KDM4C: variants seen among roughly 807,000 people sequenced by gnomAD.
KDM4C encodes the protein lysine demethylase 4C.
Under a neutral mutation model 129.3 loss-of-function variants are expected in KDM4C, and 81 were observed. The observed-to-expected ratio is 0.63, with a 90% CI of 0.52 to 0.75. The LOEUF (loss-of-function observed/expected upper bound fraction) is 0.75, where lower values mean the gene tolerates loss of function less well. Among genes scored for constraint, KDM4C ranks in the 30% least tolerant of loss-of-function variants. KDM4C has a pLI of 0.00. For missense variants in KDM4C, 1,457 were observed against 1,304.0 expected (o/e 1.12, Z -1.81); for synonymous variants, 573 against 456.1 (o/e 1.26, Z -3.26).
intron 8 of KDM4C, among the ~76,000 whole-genome samples, chr9:6,954,506 TTGTC>T (rs1345946791): frequency 6.6e-6 from 1 of 152,212 alleles, no homozygotes; most frequent in Non-Finnish European, 1.5e-5. Context: ...ATCTTTTTAT[TTGTC>T]TGTTCACGAT....
chr9:7,044,520 A>C (rs1236647764), intron 15 of KDM4C, among the ~76,000 whole-genome samples: 1 of 151,968 alleles, frequency 6.6e-6, no homozygotes, highest in Non-Finnish European at 1.5e-5. Context: ...AACAGGGTGG[A>C]TTTGGAGGTG....
In KDM4C at chr9:7,025,948, T is replaced by C. The variant is rs1053971065; in HGVS notation, c.2259+10019T>C. On this transcript the variant is annotated intron_variant, in intron 15 of 21. Coordinates refer to ENST00000381309, the MANE Select transcript of KDM4C (RefSeq NM_015061.6). Reference sequence around the variant, plus strand: ...GGCTGGACACGGTGGCCCATGCCTGTAATCCCAGCACTCTGGGAGGCTGAG... The same window carrying C: ...GGCTGGACACGGTGGCCCATGCCTGCAATCCCAGCACTCTGGGAGGCTGAG... Among the ~76,000 whole-genome samples, 4 of 152,178 alleles carry C rather than the reference T, an allele frequency of 2.6e-5. No individual in the cohort carries two copies. The East Asian group carries it at 7.7e-4, about 29-fold the overall frequency.
At chr9:6,936,864 A>T in intron 8 of KDM4C, among the ~76,000 whole-genome samples, 1 of 152,178 alleles carries the variant, frequency 6.6e-6, no homozygotes, top group South Asian at 2.1e-4. Context: ...GACCTCCCCT[A>T]CAGAGCTAGA....
chr9:7,156,264 G>T (rs1286231575), intron 19 of KDM4C, among the ~76,000 whole-genome samples: 1 of 152,184 alleles, frequency 6.6e-6, no homozygotes, highest in Non-Finnish European at 1.5e-5. Context: ...CCCTTTGTCA[G>T]GTGGGTAGAT....
chr9:6,950,844 C>T (rs536780623), intron 8 of KDM4C, among the ~76,000 whole-genome samples: 2 of 152,176 alleles, frequency 1.3e-5, no homozygotes, highest in South Asian at 2.1e-4. Flanking sequence ...GACTGCTCTA[C>T]CAAAAAGCTG....
chr9:7,093,125 T>C (rs1463654875), intron 17 of KDM4C, among the ~76,000 whole-genome samples: 2 of 152,284 alleles, frequency 1.3e-5, no homozygotes, highest in East Asian at 3.9e-4. Context: ...GTAATGTAGA[T>C]GGGGTGGTGT....
intron 17 of KDM4C, among the ~76,000 whole-genome samples, chr9:7,098,390 A>T (rs1424927045): frequency 6.6e-6 from 1 of 152,212 alleles, no homozygotes; most frequent in African/African-American, 2.4e-5. Context: ...CTGATACCTT[A>T]TTTATGATAA....
At chr9:7,150,770 G>C (rs947641393) in intron 19 of KDM4C, among the ~76,000 whole-genome samples, 2 of 152,118 alleles carry the variant, frequency 1.3e-5, no homozygotes, top group East Asian at 3.8e-4. Flanking sequence ...CACTTCAAAG[G>C]AACCAGAAAA....
intron 3 of KDM4C, among the ~76,000 whole-genome samples, chr9:6,806,332 TA>T (rs1829955780): frequency 6.6e-6 from 1 of 151,792 alleles, no homozygotes; most frequent in African/African-American, 2.4e-5. Flanking sequence ...TTGTCTCCAC[TA>T]AAACTACAAA....
chr9:6,803,816 C>G (rs1045160909), intron 2 of KDM4C, among the ~76,000 whole-genome samples: 1 of 150,584 alleles, frequency 6.6e-6, no homozygotes, highest in Admixed American at 6.6e-5. Context: ...GTTGTACGTT[C>G]TATTTTAATT....
chr9:7,021,360 G>A (rs1262916800), intron 15 of KDM4C, among the ~76,000 whole-genome samples: 1 of 151,948 alleles, frequency 6.6e-6, no homozygotes, highest in Non-Finnish European at 1.5e-5. Context: ...GGCCAGGCTG[G>A]TCTCGAACTC....
Position 7,048,322 on chromosome 9 carries a change from G to T in KDM4C, c.2316-770G>T, listed in dbSNP as rs566805729. 2.6e-5 allele frequency among the ~76,000 whole-genome samples: 4 copies of T among 152,212 alleles called. No homozygotes were observed. In the East Asian group the frequency reaches 7.7e-4, roughly 29 times the overall value. On this transcript the variant is annotated intron_variant, in intron 16 of 21. Transcript: ENST00000381309. ...CTCTTCCTGTGGTCTTGAAAGACAG[G>T]ATAGAGTCTGATACTGTTTGAGTGA...
intron 15 of KDM4C, among the ~76,000 whole-genome samples, chr9:7,017,137 A>G (rs1453784936): frequency 3.9e-5 from 6 of 152,062 alleles, no homozygotes; most frequent in Admixed American, 3.9e-4. Flanking sequence ...AGGTCTCACT[A>G]TGTTGCCCAG....
rs769147701 is a variant in KDM4C, at chr9:7,013,893, A to T, written c.2074A>T (p.Ile692Phe). The T allele has an allele frequency of 6.2e-7, 1 of 1,613,960 alleles. No individual in the cohort carries two copies. Among genetic ancestry groups the T allele is most frequent in the East Asian group, 2.2e-5 (1 of 44,868 alleles). The change falls in exon 14 of 22, where the codon ATT becomes TTT. Residue 692 changes from isoleucine to phenylalanine, a missense_variant. Physicochemically the swap from Ile to Phe is conservative, Grantham distance 21. Transcript: ENST00000381309. The stretch of plus-strand genomic sequence containing the variant: ...GCCCCTCATACCAGAGATGTGTTTT[A>T]TTTATAGTGAAGAAAATATAGAATA... ...TKPLIPEMCF[I>F]YSEENIEYSP...
At chr9:6,977,288 A>G (rs1201207601) in intron 8 of KDM4C, among the ~76,000 whole-genome samples, 1 of 152,190 alleles carries the variant, frequency 6.6e-6, no homozygotes, top group Non-Finnish European at 1.5e-5. Context: ...ATTTTCTATG[A>G]AAGACAGTAA....
At chr9:6,764,183 T>C (rs528070939) in intron 1 of KDM4C, among the ~76,000 whole-genome samples, 5 of 152,368 alleles carry the variant, frequency 3.3e-5, no homozygotes, top group African/African-American at 1.2e-4. Context: ...TTCTAGAGAA[T>C]GGTAGGAGTA....
At chr9:6,865,221 G>T (rs919098789) in intron 5 of KDM4C, among the ~76,000 whole-genome samples, 1 of 152,018 alleles carries the variant, frequency 6.6e-6, no homozygotes, top group Non-Finnish European at 1.5e-5. Flanking sequence ...TGTTTGCCAG[G>T]ATGGTCTCGA....
intron 8 of KDM4C, among the ~76,000 whole-genome samples, chr9:6,900,348 G>T (rs1221874778): frequency 1.3e-5 from 2 of 152,238 alleles, no homozygotes; most frequent in African/African-American, 4.8e-5. Context: ...AGCCACGTGT[G>T]TGATTTGTGG....
chr9:6,735,635 C>T (rs974894632), intron 1 of KDM4C, among the ~76,000 whole-genome samples: 4 of 152,198 alleles, frequency 2.6e-5, no homozygotes, highest in Non-Finnish European at 5.9e-5. Flanking sequence ...TGCCTTGCTC[C>T]TCCTTGCCTT....
Sources: allele counts gnomAD v4.1 joint callset (sites outside exome capture counted in the v4.1 genomes callset), GRCh38; gene constraint gnomAD v4.1.1; transcripts MANE v1.5; gene names NCBI Gene and HGNC (gene_info 2026-07-23, HGNC 2026-07-21).